SCNN1A: variants seen among roughly 807,000 people sequenced by gnomAD.
SCNN1A encodes the protein epithelial sodium channel subunit alpha.
In SCNN1A, 65 loss-of-function variants were observed where a neutral mutation model predicts 68.6. The observed-to-expected ratio is 0.95, with a 90% CI of 0.78 to 1.16. SCNN1A has a LOEUF of 1.16. Ranked by LOEUF, SCNN1A falls within the 50% of genes most tolerant of loss-of-function variation. The pLI is 0.00. For synonymous variants in SCNN1A, 357 were observed against 353.3 expected (o/e 1.01, Z -0.12); for missense variants, 880 against 865.9 (o/e 1.02, Z -0.20).
At chr12:6,371,191 A>G (rs3782727) in intron 2 of SCNN1A, among the ~76,000 whole-genome samples, 5,246 of 151,892 alleles carry the variant, frequency 0.035, 202 homozygotes, top group East Asian at 0.091. Flanking sequence ...GCCTCACTCC[A>G]GTTCCTCTAG....
chr12:6,363,885 T>G, intron 2 of SCNN1A, 175 bp from the exon 3 acceptor site: 2 of 470,746 alleles, frequency 4.2e-6, no homozygotes, highest in Non-Finnish European at 3.6e-6. Flanking sequence ...GGTAAACAGG[T>G]GTGTCCGCCG....
intron 8 of SCNN1A, 138 bp downstream of exon 8, chr12:6,354,299 GA>G: frequency 1.4e-6 from 1 of 712,856 alleles, no homozygotes; most frequent in African/African-American, 1.7e-5. Flanking sequence ...ACTAAAGGCT[GA>G]AAAACAAGAG....
In SCNN1A at chr12:6,355,254, C is replaced by T; in HGVS notation, c.1143+18G>A. ...AATCTGAGGCGCTCCTTCCAGGCCT[C>T]CCAGTCAGCATCCTTGCCTTCCTCA... On this transcript the variant is annotated intron_variant, in intron 6 of 12. Transcript: ENST00000228916. 6.2e-7 allele frequency: 1 copy of T among 1,609,596 alleles called. No homozygotes were observed. The highest frequency in any genetic ancestry group is 8.5e-7 in the Non-Finnish European group (1 of 1,177,912).
Position 6,347,815 on chromosome 12 carries a change from C to T in SCNN1A, c.*58G>A, listed in dbSNP as rs1565474076. ...TGCACATCCTTCAATCTTGCCAGGGCCAGCACCCTCCCACCAGAGGAGCAT... is the reference window on the plus strand; with the variant it reads ...TGCACATCCTTCAATCTTGCCAGGGTCAGCACCCTCCCACCAGAGGAGCAT... On this transcript the variant is annotated 3_prime_UTR_variant, in exon 13 of 13. Coordinates refer to ENST00000228916, the MANE Select transcript of SCNN1A (RefSeq NM_001038.6). The T allele has an allele frequency of 1.0e-5, 15 of 1,466,796 alleles. No homozygotes were observed. The highest frequency in any genetic ancestry group is 1.4e-5 in the Non-Finnish European group (15 of 1,060,560). The allele number at this position is 1,466,796 out of a possible 1,614,324, so 90.9% of individuals were successfully genotyped here.
chr12:6,349,720 A>T lies in SCNN1A; in HGVS notation c.1361-315T>A, dbSNP rs72657562. 1,196 of 259,604 alleles carry T rather than the reference A, an allele frequency of 4.6e-3. 18 individuals are homozygous for T. Among genetic ancestry groups the T allele is most frequent in the African/African-American group, 0.024 (1,091 of 44,812 alleles). 16.1% of individuals were successfully genotyped at this position (259,604 alleles called of 1,614,324 possible). ...TGAGACCTTGTCTCTAAAAAAAAAA[A>T]TTTTTAATAAATTAATTTTTTTTTT... On this transcript the variant is annotated intron_variant, in intron 8 of 12. Transcript: ENST00000228916.
At chr12:6,350,356 C>T (rs1229471382) in intron 8 of SCNN1A, among the ~76,000 whole-genome samples, 2 of 149,298 alleles carry the variant, frequency 1.3e-5, no homozygotes, top group African/African-American at 2.5e-5. Flanking sequence ...GGCGTGAACC[C>T]GGGAGGCGGA....
intron 2 of SCNN1A, among the ~76,000 whole-genome samples, chr12:6,369,857 C>A (rs966432445): frequency 2.2e-5 from 3 of 138,528 alleles, no homozygotes; most frequent in African/African-American, 2.7e-5. Context: ...AAAAAAAAAT[C>A]TCTCCCTCCA....
chr12:6,363,408 G>A, intron 3 of SCNN1A, 35 bp downstream of exon 3: 1 of 1,486,052 alleles, frequency 6.7e-7, no homozygotes, highest in East Asian at 2.6e-5. Context: ...GGCCGGCGAG[G>A]GGCGGGGCGG....
chr12:6,353,412 C>CCCA (rs1333188804), intron 8 of SCNN1A, among the ~76,000 whole-genome samples: 3 of 151,712 alleles, frequency 2.0e-5, no homozygotes, highest in Non-Finnish European at 2.9e-5. Context: ...TGTTGTGTAC[C>CCCA]CCACCCAGCC....
In SCNN1A at chr12:6,368,348, G is replaced by A. The variant is rs369339917; in HGVS notation, c.417-4638C>T. ...AAACACCCGGATTGGTTACACCCCC[G>A]GCGTTTGCCTTATTTGGACAAGGTT... On this transcript the variant is annotated intron_variant, in intron 2 of 12. Transcript: ENST00000228916. 1.3e-4 allele frequency among the ~76,000 whole-genome samples: 20 copies of A among 152,282 alleles called. No individual in the cohort carries two copies. The East Asian group carries it at 2.5e-3, about 19-fold the overall frequency.
chr12:6,374,570 T>C lies in SCNN1A; in HGVS notation c.214A>G (p.Ile72Val), dbSNP rs1333537295. 1 of 1,613,952 alleles carries C rather than the reference T, an allele frequency of 6.2e-7. No homozygotes were observed. ...TTGTGCTGGGAGCACACCAGGCGGA[T>C]GGCGCCGTGGATGGTGGTGTTGTTG... Reference protein sequence around the residue: ...FCNNTTIHGAIRLVCSQHNRM... With the variant: ...FCNNTTIHGAVRLVCSQHNRM... The change falls in exon 2 of 13, where the codon ATC becomes GTC. Residue 72 changes from isoleucine to valine, a missense_variant. Coordinates refer to ENST00000228916, the MANE Select transcript of SCNN1A (RefSeq NM_001038.6). This position sits in a 1 kb window ranked among gnomAD's most constrained non-coding sequence, Gnocchi z 6.2.
chr12:6,362,065 G>C lies in SCNN1A; in HGVS notation c.861C>G (p.Val287=). The part of the protein sequence containing the change: ...NFIFACRFNQ[V]SCNQANYSHF... ...GACTGACTCACGCCTGGTTGCAGGA[G>C]ACCTGGTTGAAGCGGCAGGCGAAGA... Residue 287 remains valine (V), a synonymous_variant, in exon 4 of 13, where the codon GTC becomes GTG. Coordinates refer to ENST00000228916, the MANE Select transcript of SCNN1A (RefSeq NM_001038.6). The C allele has an allele frequency of 6.2e-7, 1 of 1,614,248 alleles. No individual in the cohort carries two copies. The highest frequency in any genetic ancestry group is 8.5e-7 in the Non-Finnish European group (1 of 1,180,034).
chr12:6,375,684 G>A, upstream of SCNN1A: 1 of 1,449,820 alleles, frequency 6.9e-7, no homozygotes, highest in Admixed American at 2.5e-5. Flanking sequence ...TGAACTGGGA[G>A]TACTGGACCT....
chr12:6,375,736 C>G, upstream of SCNN1A: 1 of 1,417,566 alleles, frequency 7.1e-7, no homozygotes, highest in Admixed American at 3.0e-5. Context: ...CGCAGACAGG[C>G]AAGGAGGCTG....
At chr12:6,353,823 TC>T (rs1948439902) in intron 8 of SCNN1A, 2 of 144,776 alleles carry the variant, frequency 1.4e-5, no homozygotes, top group Non-Finnish European at 3.0e-5. Context: ...TCTCCTGACC[TC>T]GTGATCCGCC....
At chr12:6,357,923 G>A (rs1452536298) in intron 4 of SCNN1A, among the ~76,000 whole-genome samples, 2 of 152,214 alleles carry the variant, frequency 1.3e-5, no homozygotes, top group African/African-American at 2.4e-5. Context: ...ACTTGAACCT[G>A]GGAGGTGGAG....
intron 4 of SCNN1A, among the ~76,000 whole-genome samples, chr12:6,360,250 C>A (rs3782725): frequency 0.023 from 3,571 of 152,226 alleles, 57 homozygotes; most frequent in South Asian, 0.1. Context: ...CCCAGGCGAG[C>A]AATGAGGCTC....
intron 2 of SCNN1A, among the ~76,000 whole-genome samples, chr12:6,370,426 G>T (rs1189400574): frequency 3.3e-5 from 5 of 152,084 alleles, no homozygotes; most frequent in Admixed American, 3.3e-4. Context: ...AGGGTGCAAG[G>T]ACCCTGGGAG....
intron 10 of SCNN1A, 66 bp downstream of exon 10, chr12:6,349,098 C>G: frequency 6.2e-7 from 1 of 1,602,744 alleles, no homozygotes; most frequent in Non-Finnish European, 8.5e-7. Context: ...ACACATAATA[C>G]CCAGAGAAGG....
Sources: allele counts gnomAD v4.1 joint callset (sites outside exome capture counted in the v4.1 genomes callset), GRCh38; gene constraint gnomAD v4.1.1; non-coding constraint Gnocchi (gnomAD v3.1); transcripts MANE v1.5; gene names NCBI Gene and HGNC (gene_info 2026-07-23, HGNC 2026-07-21).